AKAP6: variants seen among roughly 807,000 people sequenced by gnomAD.
AKAP6 encodes A-kinase anchor protein 6.
AKAP6 carries 58 observed loss-of-function variants against 188.5 expected under a neutral mutation model. The ratio of observed to expected loss-of-function variants is 0.31; its 90% CI spans 0.25 to 0.38. The LOEUF is 0.38. Among genes scored for constraint, AKAP6 ranks in the 10% least tolerant of loss-of-function variants. The pLI, the probability that AKAP6 is intolerant of heterozygous loss-of-function variation, is 1.00. For synonymous variants in AKAP6, 989 were observed against 998.6 expected (o/e 0.99, Z 0.18); for missense variants, 2,710 against 2,740.0 (o/e 0.99, Z 0.24).
intron 9 of AKAP6, chr14:32,726,139 T>G: frequency 1.0e-6 from 1 of 972,916 alleles, no homozygotes; most frequent in African/African-American, 1.8e-5. Context: ...AGTTATTTTC[T>G]TTTACACACC....
chr14:32,789,089 C>A (rs1188551995), intron 12 of AKAP6, among the ~76,000 whole-genome samples: 1 of 152,124 alleles, frequency 6.6e-6, no homozygotes, highest in African/African-American at 2.4e-5. Flanking sequence ...CAATGCAGCA[C>A]GGCTGCCTTG....
At chr14:32,571,742 A>T (rs1206825576) in intron 4 of AKAP6, among the ~76,000 whole-genome samples, 2 of 152,150 alleles carry the variant, frequency 1.3e-5, no homozygotes, top group Non-Finnish European at 2.9e-5. Flanking sequence ...TACCAAAAGG[A>T]ATTAGCAGTT....
intron 3 of AKAP6, among the ~76,000 whole-genome samples, chr14:32,538,501 A>G (rs1434184059): frequency 1.3e-5 from 2 of 152,268 alleles, no homozygotes; most frequent in South Asian, 2.1e-4. Context: ...CTCTTCTTGA[A>G]AAAACAATAT....
intron 5 of AKAP6, 27 bp from the exon 6 acceptor site, chr14:32,599,383 G>C (rs781731418): frequency 5.5e-5 from 88 of 1,590,586 alleles, no homozygotes; most frequent in Non-Finnish European, 7.4e-5. Flanking sequence ...CCTTGCCAGG[G>C]TTTAATGTTC....
At chr14:32,635,503 C>T (rs906559008) in intron 7 of AKAP6, among the ~76,000 whole-genome samples, 1 of 152,060 alleles carries the variant, frequency 6.6e-6, no homozygotes, top group African/African-American at 2.4e-5. Flanking sequence ...TTAGAAAGTA[C>T]TACCCTCAAC....
intron 1 of AKAP6, among the ~76,000 whole-genome samples, chr14:32,372,770 CTGTG>C (rs3031400): frequency 0.21 from 30,728 of 147,276 alleles, 3,643 homozygotes; most frequent in East Asian, 0.45. Flanking sequence ...TTTTGTTGCT[CTGTG>C]TGTGTGTGTG....
At chr14:32,821,246 T>C (rs1164903972) in intron 12 of AKAP6, among the ~76,000 whole-genome samples, 156 bp from the exon 13 acceptor site, 1 of 152,202 alleles carries the variant, frequency 6.6e-6, no homozygotes, top group African/African-American at 2.4e-5. Context: ...CTGGGTGTTA[T>C]TTCAGAGAGG....
rs1262161839 is a variant in AKAP6 at position 32,832,660 on chromosome 14, A to G, written c.*2855A>G. 6.6e-6 allele frequency: 1 copy of G among 152,284 alleles called. No individual in the cohort carries two copies. Among genetic ancestry groups the G allele is most frequent in the Non-Finnish European group, 1.5e-5 (1 of 68,048 alleles). 9.4% of individuals were successfully genotyped at this position (152,284 alleles called of 1,614,324 possible). On this transcript the variant is annotated 3_prime_UTR_variant, in exon 14 of 14. Coordinates refer to ENST00000280979, the MANE Select transcript of AKAP6 (RefSeq NM_004274.5). ...AGTGATAGTGGCTCATTGTCTGTTAAGGCAAACTGTTCCACTGTTGGGCAT... is the reference window on the plus strand; with the variant it reads ...AGTGATAGTGGCTCATTGTCTGTTAGGGCAAACTGTTCCACTGTTGGGCAT...
At chr14:32,623,530 A>G (rs767194722) in intron 7 of AKAP6, among the ~76,000 whole-genome samples, 1 of 152,274 alleles carries the variant, frequency 6.6e-6, no homozygotes, top group Middle Eastern at 3.4e-3. Context: ...TAAAATGAAT[A>G]TAGTCAGAGA....
intron 3 of AKAP6, among the ~76,000 whole-genome samples, chr14:32,536,721 A>G (rs1882694903): frequency 6.6e-6 from 1 of 152,258 alleles, no homozygotes; most frequent in Admixed American, 6.5e-5. Context: ...GAATAACTTA[A>G]GAATGGACCC....
chr14:32,520,735 A>T (rs895470810), intron 2 of AKAP6, among the ~76,000 whole-genome samples: 9 of 152,170 alleles, frequency 5.9e-5, no homozygotes, highest in South Asian at 2.1e-4. Flanking sequence ...CTAGGACCAG[A>T]CGCGTTCATA....
chr14:32,664,535 A>C (rs1156405203), intron 7 of AKAP6, among the ~76,000 whole-genome samples: 1 of 152,160 alleles, frequency 6.6e-6, no homozygotes, highest in East Asian at 1.9e-4. Context: ...CTACAAAAGA[A>C]TTTTAAGTCA....
intron 5 of AKAP6, among the ~76,000 whole-genome samples, chr14:32,593,919 G>T (rs189016431): frequency 1.3e-5 from 2 of 152,240 alleles, no homozygotes; most frequent in Admixed American, 1.3e-4. Context: ...AGGAAACCTG[G>T]TATCTGCCCT....
intron 2 of AKAP6, among the ~76,000 whole-genome samples, chr14:32,487,521 C>T (rs1308359358): frequency 6.6e-6 from 1 of 152,222 alleles, no homozygotes; most frequent in African/African-American, 2.4e-5. Flanking sequence ...TGTCATTACC[C>T]ACCTTCTGAA....
intron 5 of AKAP6, among the ~76,000 whole-genome samples, chr14:32,582,624 A>G (rs1364209811): frequency 6.6e-6 from 1 of 152,100 alleles, no homozygotes; most frequent in Non-Finnish European, 1.5e-5. Flanking sequence ...TTTCAGGTAC[A>G]CCAATCAGAC....
chr14:32,606,274 A>G (rs929896077), intron 7 of AKAP6, among the ~76,000 whole-genome samples: 1 of 152,130 alleles, frequency 6.6e-6, no homozygotes, highest in South Asian at 2.1e-4. Context: ...TTAATGGTCT[A>G]CAGCTGGAGG....
intron 2 of AKAP6, among the ~76,000 whole-genome samples, chr14:32,450,599 A>G (rs754832195): frequency 2.0e-4 from 31 of 152,198 alleles, no homozygotes; most frequent in East Asian, 1.9e-4. Context: ...AATCAAGTGC[A>G]TAGTACTGAA....
intron 1 of AKAP6, among the ~76,000 whole-genome samples, chr14:32,337,336 A>G (rs1187317078): frequency 1.3e-5 from 2 of 152,202 alleles, no homozygotes; most frequent in Admixed American, 1.3e-4. Flanking sequence ...ACATTTCTTC[A>G]GGCTTGGCTA....
chr14:32,459,013 A>T (rs1052248389), intron 2 of AKAP6, among the ~76,000 whole-genome samples: 1 of 152,194 alleles, frequency 6.6e-6, no homozygotes, highest in Non-Finnish European at 1.5e-5. Context: ...AAAGATAGAG[A>T]AAATGTTATT....
Sources: gnomAD v4.1 joint callset for allele counts (sites outside exome capture counted in the v4.1 genomes callset) on GRCh38, gnomAD v4.1.1 for gene constraint, MANE v1.5 for transcripts, NCBI Gene and HGNC (gene_info 2026-07-23, HGNC 2026-07-21) for gene names.